The following COL5A1 variants were observed in gnomAD, a reference collection of about 807,000 sequenced individuals.
COL5A1 encodes the protein collagen alpha-1(V) chain.
COL5A1 carries 16 observed loss-of-function variants against 263.7 expected under a neutral mutation model. That is an observed-to-expected ratio of 0.06 (90% CI 0.04 to 0.09). COL5A1 has a LOEUF of 0.09. COL5A1 is among the 10% of genes least tolerant of loss of function. COL5A1 has a pLI of 1.00. For missense variants in COL5A1, 2,036 were observed against 2,540.5 expected, an observed-to-expected ratio of 0.80 and a Z score of 4.27; for synonymous variants, 1,012 against 1,004.5, an observed-to-expected ratio of 1.01 and a Z score of -0.14.
At chr9:134,643,742 G>A (rs1208711274) in intron 1 of COL5A1, among the ~76,000 whole-genome samples, 3 of 152,172 alleles carry the variant, frequency 2.0e-5, no homozygotes, top group Non-Finnish European at 4.4e-5. Flanking sequence ...GAGAAGGAAG[G>A]TGTGGTCAGG....
Position 134,817,093 on chromosome 9 carries a change from C to T in COL5A1, c.4176+14C>T, listed in dbSNP as rs1227139084. 1.9e-6 allele frequency: 3 copies of T among 1,610,712 alleles called. No homozygotes were observed. The highest frequency in any genetic ancestry group is 2.2e-5 in the East Asian group (1 of 44,876). On this transcript the variant is annotated intron_variant, in intron 53 of 65. Coordinates refer to ENST00000371817, the MANE Select transcript of COL5A1 (RefSeq NM_000093.5). Reference sequence around the variant, plus strand: ...CCAGGAAAAAGGGTAAATAATCCTGCAGGCACATCCTTGCTGTCAAATCCC... The same window carrying T: ...CCAGGAAAAAGGGTAAATAATCCTGTAGGCACATCCTTGCTGTCAAATCCC...
chr9:134,734,151 C>T (rs1835009133), intron 9 of COL5A1, among the ~76,000 whole-genome samples: 2 of 152,150 alleles, frequency 1.3e-5, no homozygotes, highest in African/African-American at 4.8e-5. Flanking sequence ...TTTCCACTGC[C>T]AGGCACCCGG....
At chr9:134,762,808 T>C (rs1230784896) in intron 19 of COL5A1, among the ~76,000 whole-genome samples, 3 of 151,974 alleles carry the variant, frequency 2.0e-5, no homozygotes, top group South Asian at 2.1e-4. Flanking sequence ...CACAGTCTGC[T>C]GTAAGATGAG....
chr9:134,694,098 G>A (rs1173736929), intron 2 of COL5A1, among the ~76,000 whole-genome samples: 6 of 152,258 alleles, frequency 3.9e-5, no homozygotes, highest in South Asian at 4.1e-4. Context: ...CTCTTGGCGA[G>A]AGGGGAAGCC....
intron 31 of COL5A1, among the ~76,000 whole-genome samples, chr9:134,787,141 G>A (rs1416405058): frequency 2.0e-5 from 3 of 152,240 alleles, no homozygotes; most frequent in African/African-American, 4.8e-5. Flanking sequence ...GGGCTGATGG[G>A]CACTTTTCCT....
At chr9:134,654,575 C>A (rs1203632796) in intron 1 of COL5A1, among the ~76,000 whole-genome samples, 1 of 91,710 alleles carries the variant, frequency 1.1e-5, no homozygotes, top group Non-Finnish European at 2.1e-5. Flanking sequence ...GTGTGTAGGG[C>A]TGGGGGTGTG....
chr9:134,782,180 G>A (rs769161089), intron 28 of COL5A1, among the ~76,000 whole-genome samples: 3 of 151,130 alleles, frequency 2.0e-5, no homozygotes, highest in Non-Finnish European at 4.4e-5. Context: ...CGCCACCCCC[G>A]GCAACACCCC....
At chr9:134,698,952 AC>A (rs1394427845) in intron 2 of COL5A1, among the ~76,000 whole-genome samples, 1 of 152,048 alleles carries the variant, frequency 6.6e-6, no homozygotes, top group Non-Finnish European at 1.5e-5. Context: ...CCCTGTTGAC[AC>A]CCTCCTGGGA....
Position 134,642,258 on chromosome 9 carries a change from T to C in COL5A1, c.71T>C (p.Leu24Pro). 2.4e-6 allele frequency: 3 copies of C among 1,234,886 alleles called. No homozygotes were observed. The highest frequency in any genetic ancestry group is 1.0e-6 in the Non-Finnish European group (1 of 980,866). The allele number at this position is 1,234,886 out of a possible 1,614,324, so 76.5% of individuals were successfully genotyped here. The part of the protein sequence containing the change: ...RPGAPLLPPL[L>P]LLLLWAPPPS... ...GGCGCCCCGCTGCTGCCCCCGCTGCTGCTGCTGCTGCTGTGGGCGCCGCCT... is the reference window on the plus strand; with the variant it reads ...GGCGCCCCGCTGCTGCCCCCGCTGCCGCTGCTGCTGCTGTGGGCGCCGCCT... The change falls in exon 1 of 66, where the codon CTG (leucine) becomes CCG (proline). Residue 24 changes from leucine (L) to proline (P), a missense_variant. Leu to Pro is a moderately conservative substitution (Grantham distance 98). Coordinates refer to ENST00000371817, the MANE Select transcript of COL5A1 (RefSeq NM_000093.5). The surrounding 1 kb of genome is among the most constrained non-coding windows in gnomAD (Gnocchi z 4.5).
intron 32 of COL5A1, among the ~76,000 whole-genome samples, chr9:134,793,116 A>C (rs1486165102): frequency 6.6e-6 from 1 of 151,940 alleles, no homozygotes; most frequent in Non-Finnish European, 1.5e-5. Flanking sequence ...GGTGTGAGCA[A>C]AGTGTCGCTT....
At chr9:134,814,163 T>C in intron 49 of COL5A1, 127 bp downstream of exon 49, 2 of 924,892 alleles carry the variant, frequency 2.2e-6, no homozygotes, top group Non-Finnish European at 3.3e-6. Context: ...TAACCCCTCT[T>C]GTGCCCATTT....
chr9:134,759,467 GCA>G lies in COL5A1; in HGVS notation c.1935+1179_1935+1180del, dbSNP rs572290719. Among the ~76,000 whole-genome samples the G allele has an allele frequency of 2.4e-3, 176 of 74,482 alleles. 9 individuals are homozygous for G. The highest frequency in any genetic ancestry group is 0.013 in the African/African-American group (164 of 12,574). 48.9% of individuals were successfully genotyped at this position (74,482 alleles called of 152,430 possible). A position where few individuals can be genotyped will look rare whatever the true frequency, so the allele number is the denominator to read the frequency against. The stretch of plus-strand genomic sequence containing the variant: ...CACACCCACACACTCATACATGCAC[GCA>G]CACACACCCACACACACCCACACTC... On this transcript the variant is annotated intron_variant, in intron 18 of 65. Transcript: ENST00000371817.
rs1838885401 is a variant in COL5A1 at position 134,819,015 on chromosome 9, C to T, written c.4408C>T (p.Pro1470Ser). 3 of 1,613,470 alleles carry T rather than the reference C, an allele frequency of 1.9e-6. No homozygotes were observed. Among genetic ancestry groups the T allele is most frequent in the Non-Finnish European group, 8.5e-7 (1 of 1,180,024 alleles). ...PPGPMGPPGLPGLKGDSGPKG... is the reference protein window; with the variant it reads ...PPGPMGPPGLSGLKGDSGPKG... ...CCTCCCACAGGGTCCCCCAGGACTT[C>T]CCGGCCTCAAAGGAGATTCTGGTCC... Residue 1470 changes from proline to serine, a missense_variant, in exon 57 of 66, where the codon CCC becomes TCC. Physicochemically the swap from Pro to Ser is moderately conservative, Grantham distance 74 (BLOSUM62 -1). This residue lies in a region of COL5A1 where 1,078 missense variants were observed against 1,521.4 expected (regional missense o/e 0.71). Transcript: ENST00000371817.
intron 32 of COL5A1, among the ~76,000 whole-genome samples, chr9:134,792,825 G>A (rs1432876319): frequency 9.1e-6 from 1 of 109,808 alleles, no homozygotes. Context: ...GTGCATGTGT[G>A]TGTATGCATG....
At chr9:134,646,753 T>A (rs957585321) in intron 1 of COL5A1, among the ~76,000 whole-genome samples, 19 of 151,986 alleles carry the variant, frequency 1.3e-4, no homozygotes, top group Non-Finnish European at 1.0e-4. Context: ...GGGGGTGATT[T>A]TGGGTACCTG....
At chr9:134,728,582 C>T (rs1834742781) in intron 5 of COL5A1, 88 bp from the exon 6 acceptor site, 1 of 1,583,910 alleles carries the variant, frequency 6.3e-7, no homozygotes, top group African/African-American at 1.3e-5. Context: ...TCGTGGCGTG[C>T]AGATCTGGAG....
chr9:134,771,112 C>G (rs118191634), intron 25 of COL5A1, among the ~76,000 whole-genome samples: 38 of 152,382 alleles, frequency 2.5e-4, no homozygotes, highest in Middle Eastern at 3.4e-3. Flanking sequence ...GTGCTGTTAT[C>G]TCCAGCCTGG....
rs1833074029 is a variant in COL5A1, at chr9:134,686,162, T to G, written c.110-4750T>G. Among the ~76,000 whole-genome samples the G allele has an allele frequency of 6.6e-6, 1 of 152,276 alleles. No homozygotes were observed. The highest frequency in any genetic ancestry group is 1.5e-5 in the Non-Finnish European group (1 of 68,054). ...TTATCAGGGTCTTTGTGCTGCCTTT[T>G]GTGGTGCATGACACCCACGCAGAAC... On this transcript the variant is annotated intron_variant, in intron 1 of 65. Coordinates refer to ENST00000371817, the MANE Select transcript of COL5A1 (RefSeq NM_000093.5). The surrounding 1 kb of genome is among the most constrained non-coding windows in gnomAD (Gnocchi z 4.6).
chr9:134,796,440 G>T (rs745481580), intron 35 of COL5A1, 22 bp downstream of exon 35: 1 of 1,613,744 alleles, frequency 6.2e-7, no homozygotes, highest in East Asian at 2.2e-5. Context: ...GAGCCTTCGG[G>T]GGTGTCTCCA....
Sources: allele counts gnomAD v4.1 joint callset (sites outside exome capture counted in the v4.1 genomes callset), GRCh38; gene constraint gnomAD v4.1.1; regional missense constraint gnomAD v4.1.1; non-coding constraint Gnocchi (gnomAD v3.1); transcripts MANE v1.5; gene names NCBI Gene and HGNC (gene_info 2026-07-23, HGNC 2026-07-21).